The following MAGI2 variants were observed in gnomAD, a reference collection of about 807,000 sequenced individuals.
MAGI2 encodes the protein membrane-associated guanylate kinase, WW and PDZ domain-containing protein 2.
Under a neutral mutation model 133.3 loss-of-function variants are expected in MAGI2, and 35 were observed. That is an observed-to-expected ratio of 0.26 (90% CI 0.20 to 0.35). MAGI2 has a LOEUF of 0.35. MAGI2 is among the 10% of genes least tolerant of loss of function. The pLI, the probability that MAGI2 is intolerant of heterozygous loss-of-function variation, is 1.00. For synonymous variants in MAGI2, 729 were observed against 710.6 expected (o/e 1.03, Z -0.41); for missense variants, 1,636 against 1,863.4 (o/e 0.88, Z 2.25).
intron 3 of MAGI2, among the ~76,000 whole-genome samples, chr7:78,525,647 G>T (rs889134741): frequency 1.2e-4 from 19 of 152,144 alleles, no homozygotes; most frequent in African/African-American, 4.6e-4. Context: ...CAACAATATG[G>T]TGTAATGCTT....
intron 1 of MAGI2, among the ~76,000 whole-genome samples, chr7:79,129,451 T>C (rs1820716961): frequency 6.6e-6 from 1 of 152,202 alleles, no homozygotes. Flanking sequence ...TTTTAGCACT[T>C]TGGTTAGCAA....
At chr7:78,211,645 C>T (rs1367456163) in intron 10 of MAGI2, among the ~76,000 whole-genome samples, 2 of 152,142 alleles carry the variant, frequency 1.3e-5, no homozygotes, top group African/African-American at 4.8e-5. Flanking sequence ...ATGCACTTTA[C>T]ATTCTATCAA....
intron 14 of MAGI2, among the ~76,000 whole-genome samples, chr7:78,176,786 T>C (rs1005758181): frequency 2.0e-5 from 3 of 152,030 alleles, no homozygotes. Context: ...AAGTTGAGAC[T>C]GCAGTGAGCT....
In MAGI2 at chr7:78,443,901, A is replaced by AAT. The variant is rs1192382072; in HGVS notation, c.1045+45858_1045+45859dup. On this transcript the variant is annotated intron_variant, in intron 6 of 21. Transcript: ENST00000354212. ...ATTCCTCTTTCTTTTCTTAGGAAGT[A>AAT]ATATATATATAGAAGGAGTAGTTGT... Among the ~76,000 whole-genome samples, 6 of 151,992 alleles carry AAT rather than the reference A, an allele frequency of 3.9e-5. No homozygotes were observed. The East Asian group carries it at 5.8e-4, about 15-fold the overall frequency.
At chr7:78,862,749 A>G (rs1455614355) in intron 2 of MAGI2, among the ~76,000 whole-genome samples, 4 of 152,282 alleles carry the variant, frequency 2.6e-5, no homozygotes, top group East Asian at 3.9e-4. Flanking sequence ...TTATTTTGTT[A>G]TGGTCCATTA....
At chr7:78,458,294 C>CAAAAAAAAAAAAAAAAAAAAA (rs11380893) in intron 6 of MAGI2, among the ~76,000 whole-genome samples, 14 of 113,046 alleles carry the variant, frequency 1.2e-4, no homozygotes, top group Non-Finnish European at 1.9e-4. Context: ...AACTCGGTCT[C>CAAAAAAAAAAAAAAAAAAAAA]AAAAAAAAAA....
chr7:78,458,495 TG>T (rs1304065549), intron 6 of MAGI2, among the ~76,000 whole-genome samples: 13 of 152,120 alleles, frequency 8.5e-5, no homozygotes, highest in Admixed American at 8.5e-4. Flanking sequence ...TTTATGGGTG[TG>T]TGCATATATA....
chr7:78,055,654 T>C (rs1213745773), intron 21 of MAGI2, among the ~76,000 whole-genome samples: 1 of 152,160 alleles, frequency 6.6e-6, no homozygotes, highest in East Asian at 1.9e-4. Flanking sequence ...GGTAGAGTCC[T>C]CCTTCCAAAA....
At chr7:78,775,123 C>A (rs1283420684) in intron 2 of MAGI2, among the ~76,000 whole-genome samples, 1 of 151,324 alleles carries the variant, frequency 6.6e-6, no homozygotes, top group African/African-American at 2.4e-5. Context: ...ACCATCCTGA[C>A]TATCACAGTG....
At chr7:78,547,318 G>A (rs777800641) in intron 3 of MAGI2, among the ~76,000 whole-genome samples, 1 of 152,166 alleles carries the variant, frequency 6.6e-6, no homozygotes, top group Non-Finnish European at 1.5e-5. Context: ...AGTGGTGGTG[G>A]ATTAAGGAAA....
intron 3 of MAGI2, among the ~76,000 whole-genome samples, chr7:78,557,078 C>G (rs1178279428): frequency 2.3e-5 from 1 of 43,036 alleles, no homozygotes; most frequent in African/African-American, 2.1e-4. Context: ...GTGGCAGAGT[C>G]TCAAAAAAAA....
intron 2 of MAGI2, among the ~76,000 whole-genome samples, chr7:78,844,005 A>G (rs1280797278): frequency 1.4e-5 from 2 of 147,558 alleles, no homozygotes; most frequent in Non-Finnish European, 3.0e-5. Context: ...ATATATATAT[A>G]TTTATTATTT....
chr7:78,082,904 A>G (rs1816138163), intron 20 of MAGI2, among the ~76,000 whole-genome samples: 1 of 152,164 alleles, frequency 6.6e-6, no homozygotes, highest in African/African-American at 2.4e-5. Context: ...TTTCATTCCA[A>G]TATCAGTATT....
chr7:79,007,546 A>T (rs1275907774), intron 1 of MAGI2, among the ~76,000 whole-genome samples: 2 of 152,090 alleles, frequency 1.3e-5, no homozygotes, highest in African/African-American at 2.4e-5. Context: ...CTATTTACTC[A>T]TTTATTCATT....
chr7:78,509,867 G>A lies in MAGI2; in HGVS notation c.755-8080C>T, dbSNP rs557362684. ...TTCTGTAACTGCCGTCTTTTGAAAT[G>A]AGGGAAAATAATTGATTTGTTTTTA... On this transcript the variant is annotated intron_variant, in intron 4 of 21. Coordinates refer to ENST00000354212, the MANE Select transcript of MAGI2 (RefSeq NM_012301.4). Among the ~76,000 whole-genome samples, 13 of 152,302 alleles carry A rather than the reference G, an allele frequency of 8.5e-5. No individual in the cohort carries two copies. The South Asian group carries it at 2.1e-3, about 24-fold the overall frequency.
intron 1 of MAGI2, among the ~76,000 whole-genome samples, chr7:79,451,637 C>T (rs535214832): frequency 6.6e-6 from 1 of 152,142 alleles, no homozygotes; most frequent in Non-Finnish European, 1.5e-5. Context: ...TTCTTTTTAT[C>T]TTGTTTATTT....
At chr7:78,288,584 G>A (rs1327600928) in intron 9 of MAGI2, among the ~76,000 whole-genome samples, 2 of 152,016 alleles carry the variant, frequency 1.3e-5, no homozygotes, top group African/African-American at 4.8e-5. Flanking sequence ...ATTTCCAACT[G>A]AGCTTTGAAG....
chr7:79,135,985 A>AAGACAGAGAGAGAG (rs1562928620), intron 1 of MAGI2, among the ~76,000 whole-genome samples: 14 of 42,106 alleles, frequency 3.3e-4, no homozygotes, highest in African/African-American at 6.2e-4. Context: ...GAAAGAAAGA[A>AAGACAGAGAGAGAG]AGAAAGAAAG....
At chr7:79,159,977 A>G (rs1483290386) in intron 1 of MAGI2, among the ~76,000 whole-genome samples, 4 of 152,104 alleles carry the variant, frequency 2.6e-5, no homozygotes, top group East Asian at 1.9e-4. Context: ...TAACTTACTT[A>G]AGAAGGTACT....
Sources: allele counts gnomAD v4.1 joint callset (sites outside exome capture counted in the v4.1 genomes callset), GRCh38; gene constraint gnomAD v4.1.1; transcripts MANE v1.5; gene names NCBI Gene and HGNC (gene_info 2026-07-23, HGNC 2026-07-21).